SNTG1: variants seen among roughly 807,000 people sequenced by gnomAD.
SNTG1 encodes the protein syntrophin gamma 1.
A neutral mutation model predicts 74.7 loss-of-function variants in SNTG1; 39 were observed. The observed-to-expected ratio is 0.52, with a 90% CI of 0.40 to 0.68. The LOEUF is 0.68. SNTG1 is among the 30% of genes least tolerant of loss of function. SNTG1 has a pLI of 0.00. For synonymous variants in SNTG1, 254 were observed against 217.1 expected (o/e 1.17, Z -1.49); for missense variants, 685 against 609.5 (o/e 1.12, Z -1.30).
At chr8:50,229,232 T>TAAGC (rs1259534896) in intron 2 of SNTG1, among the ~76,000 whole-genome samples, 1 of 151,366 alleles carries the variant, frequency 6.6e-6, no homozygotes, top group Non-Finnish European at 1.5e-5. Flanking sequence ...ACATTGAAAA[T>TAAGC]GCTTAAGTAT....
chr8:50,334,902 T>C (rs1368429665), intron 2 of SNTG1, among the ~76,000 whole-genome samples: 1 of 152,194 alleles, frequency 6.6e-6, no homozygotes, highest in East Asian at 1.9e-4. Flanking sequence ...TATTGTAACT[T>C]GAAAATATAG....
chr8:50,137,594 G>A (rs145358621), intron 1 of SNTG1, among the ~76,000 whole-genome samples: 2 of 152,184 alleles, frequency 1.3e-5, no homozygotes, highest in East Asian at 1.9e-4. Flanking sequence ...AATAAGCAAA[G>A]CAGCAAGAAG....
intron 1 of SNTG1, among the ~76,000 whole-genome samples, chr8:50,072,196 T>C (rs1024990712): frequency 6.6e-6 from 1 of 152,204 alleles, no homozygotes; most frequent in African/African-American, 2.4e-5. Context: ...GGACAAGTAA[T>C]ATATGAAGTA....
chr8:50,102,800 C>T (rs2080194869), intron 1 of SNTG1, among the ~76,000 whole-genome samples: 1 of 150,556 alleles, frequency 6.6e-6, no homozygotes, highest in Admixed American at 6.6e-5. Context: ...TTCCCAGCCC[C>T]ATTTATTAAA....
At chr8:50,228,856 A>G (rs1375301872) in intron 2 of SNTG1, among the ~76,000 whole-genome samples, 1 of 151,788 alleles carries the variant, frequency 6.6e-6, no homozygotes, top group East Asian at 1.9e-4. Context: ...CAGGAGGGGG[A>G]ATACATTAAG....
chr8:50,675,341 C>A (rs1214388649), intron 15 of SNTG1, among the ~76,000 whole-genome samples: 1 of 152,062 alleles, frequency 6.6e-6, no homozygotes, highest in Non-Finnish European at 1.5e-5. Context: ...AATCTGGATG[C>A]TCCTCTATTG....
chr8:50,705,366 T>A (rs1180659994), intron 16 of SNTG1, among the ~76,000 whole-genome samples: 1 of 152,238 alleles, frequency 6.6e-6, no homozygotes, highest in African/African-American at 2.4e-5. Flanking sequence ...TCAATTGTAT[T>A]CATACTACTC....
chr8:50,305,486 T>C (rs2089850560), intron 2 of SNTG1, among the ~76,000 whole-genome samples: 1 of 151,494 alleles, frequency 6.6e-6, no homozygotes, highest in Non-Finnish European at 1.5e-5. Flanking sequence ...CATTTTAATT[T>C]GTGGAAAGTT....
intron 2 of SNTG1, among the ~76,000 whole-genome samples, chr8:50,200,725 A>G (rs2083954435): frequency 6.6e-6 from 1 of 152,150 alleles, no homozygotes; most frequent in African/African-American, 2.4e-5. Context: ...AGAATGAATC[A>G]CGATAAATGA....
intron 8 of SNTG1, among the ~76,000 whole-genome samples, chr8:50,496,934 C>T (rs572333284): frequency 1.1e-4 from 17 of 149,376 alleles, no homozygotes; most frequent in Non-Finnish European, 2.2e-4. Context: ...TCCAACCTGA[C>T]AGTATCAGTC....
At chr8:50,093,928 A>G (rs948703471) in intron 1 of SNTG1, among the ~76,000 whole-genome samples, 1 of 152,214 alleles carries the variant, frequency 6.6e-6, no homozygotes, top group African/African-American at 2.4e-5. Flanking sequence ...AGTGTGGTTA[A>G]CTTGAGAAGA....
intron 1 of SNTG1, among the ~76,000 whole-genome samples, chr8:50,135,923 G>A (rs768606434): frequency 3.3e-5 from 5 of 152,044 alleles, no homozygotes; most frequent in Non-Finnish European, 7.4e-5. Context: ...CCTCAAGTAG[G>A]TCCCACTGTC....
At chr8:50,589,924 C>T (rs2094680920) in intron 12 of SNTG1, among the ~76,000 whole-genome samples, 1 of 152,140 alleles carries the variant, frequency 6.6e-6, no homozygotes, top group South Asian at 2.1e-4. Flanking sequence ...TAACCTTGCT[C>T]AGATCACACA....
rs144482515 is a variant in SNTG1 at position 50,394,766 on chromosome 8, T to C, written c.27+501T>C. 9.4e-3 allele frequency among the ~76,000 whole-genome samples: 1,426 copies of C among 152,154 alleles called. 28 individuals carry two copies. Among genetic ancestry groups the C allele is most frequent in the African/African-American group, 0.033 (1,351 of 41,504 alleles). ...TTAGTATTTCAAGGATGATAAACAG[T>C]GTTCAAGTTTACAGTTCAATAGTGC... On this transcript the variant is annotated intron_variant, in intron 3 of 18. Coordinates refer to ENST00000642720, the MANE Select transcript of SNTG1 (RefSeq NM_018967.5).
At chr8:50,070,148 C>A (rs1294326277) in intron 1 of SNTG1, among the ~76,000 whole-genome samples, 1 of 152,048 alleles carries the variant, frequency 6.6e-6, no homozygotes, top group Non-Finnish European at 1.5e-5. Context: ...GCAAATCAAT[C>A]TTTTTATAAT....
intron 17 of SNTG1, among the ~76,000 whole-genome samples, chr8:50,711,996 T>G (rs1482151066): frequency 1.3e-5 from 2 of 152,230 alleles, no homozygotes; most frequent in Non-Finnish European, 2.9e-5. Flanking sequence ...TTATATTCTT[T>G]TAAAAATGTA....
In SNTG1 at chr8:50,722,789, G is replaced by A. The variant is rs189839287; in HGVS notation, c.1284+13811G>A. Among the ~76,000 whole-genome samples the A allele has an allele frequency of 3.1e-3, 469 of 152,036 alleles. 3 individuals are homozygous for A. The highest frequency in any genetic ancestry group is 0.011 in the African/African-American group (439 of 41,438). On this transcript the variant is annotated intron_variant, in intron 17 of 18. Transcript: ENST00000642720. Reference sequence around the variant, plus strand: ...CTTCATCTTTACTTTCAGGTTTTGCGTATGGGAAATATTTAATTGTATTTT... The same window carrying A: ...CTTCATCTTTACTTTCAGGTTTTGCATATGGGAAATATTTAATTGTATTTT...
At chr8:50,088,272 T>A (rs1823103747) in intron 1 of SNTG1, among the ~76,000 whole-genome samples, 1 of 149,624 alleles carries the variant, frequency 6.7e-6, no homozygotes, top group South Asian at 2.1e-4. Flanking sequence ...ATAAGAGCTA[T>A]CTATGACAAA....
chr8:50,600,385 ATGTT>A (rs1486715495), intron 13 of SNTG1, among the ~76,000 whole-genome samples: 15 of 152,044 alleles, frequency 9.9e-5, no homozygotes, highest in Non-Finnish European at 1.9e-4. Flanking sequence ...AGTTCTTTAA[ATGTT>A]TGATAGAATT....
Sources: allele counts gnomAD v4.1 joint callset (sites outside exome capture counted in the v4.1 genomes callset), GRCh38; gene constraint gnomAD v4.1.1; transcripts MANE v1.5; gene names NCBI Gene and HGNC (gene_info 2026-07-23, HGNC 2026-07-21).